ATCAY: variants seen among roughly 807,000 people sequenced by gnomAD.
The protein encoded by ATCAY is ATCAY kinesin light chain interacting caytaxin.
Under a neutral mutation model 47.7 loss-of-function variants are expected in ATCAY, and 22 were observed. The observed-to-expected ratio is 0.46, with a 90% CI of 0.33 to 0.66. The LOEUF (loss-of-function observed/expected upper bound fraction) is 0.66. ATCAY is among the 30% of genes least tolerant of loss of function. The pLI is 0.02. For missense variants in ATCAY, 452 were observed against 515.0 expected (o/e 0.88, Z 1.18); for synonymous variants, 216 against 207.6 (o/e 1.04, Z -0.35).
At chr19:3,881,384 G>GAAAAA (rs397946296) in intron 1 of ATCAY, among the ~76,000 whole-genome samples, 4 of 130,324 alleles carry the variant, frequency 3.1e-5, no homozygotes, top group African/African-American at 1.2e-4. Context: ...ACGATTTCGG[G>GAAAAA]AAAAAAAAAA....
intron 12 of ATCAY, among the ~76,000 whole-genome samples, chr19:3,922,636 T>C (rs917819432): frequency 6.6e-6 from 1 of 152,216 alleles, no homozygotes; most frequent in African/African-American, 2.4e-5. Context: ...GCCAGGATGC[T>C]CCAAGAGTTT....
intron 2 of ATCAY, among the ~76,000 whole-genome samples, chr19:3,890,464 T>C (rs189301421): frequency 4.3e-4 from 65 of 151,906 alleles, no homozygotes; most frequent in African/African-American, 1.4e-3. Flanking sequence ...GGTTTCACCA[T>C]GTTGGCCAGG....
chr19:3,908,248 G>A lies in ATCAY; in HGVS notation c.545-20G>A, dbSNP rs774870655. ...GCTGGGAGAGGACTCTGACGTTGCC[G>A]ATCGGCTGCCTCTCCTCAGGGTACT... On this transcript the variant is annotated intron_variant, in intron 5 of 12. Transcript: ENST00000450849. 211 of 1,555,122 alleles carry A rather than the reference G, an allele frequency of 1.4e-4. 1 individual carries two copies. The Admixed American group carries it at 1.7e-3, about 13-fold the overall frequency.
intron 2 of ATCAY, among the ~76,000 whole-genome samples, chr19:3,900,040 G>A (rs1185542129): frequency 2.0e-5 from 3 of 151,952 alleles, no homozygotes; most frequent in African/African-American, 7.3e-5. Context: ...TTTTATATTT[G>A]TCACAATTGA....
At chr19:3,911,073 T>C (rs2038919125) in intron 8 of ATCAY, among the ~76,000 whole-genome samples, 184 bp downstream of exon 8, 1 of 152,208 alleles carries the variant, frequency 6.6e-6, no homozygotes, top group Admixed American at 6.6e-5. Context: ...ATATTATTGC[T>C]TTAAACAGTT....
chr19:3,906,453 C>T (rs78183912), intron 4 of ATCAY, among the ~76,000 whole-genome samples: 1 of 151,778 alleles, frequency 6.6e-6, no homozygotes. Context: ...CAGGCATGCA[C>T]TACCACTTCC....
At chr19:3,922,249 C>T (rs893358405) in intron 12 of ATCAY, 1 of 700,060 alleles carries the variant, frequency 1.4e-6, no homozygotes, top group Admixed American at 2.0e-5. Flanking sequence ...CATTCTCATG[C>T]TGCTATGAAG....
chr19:3,889,655 C>T (rs532081650), intron 2 of ATCAY, among the ~76,000 whole-genome samples: 18 of 152,132 alleles, frequency 1.2e-4, no homozygotes, highest in Admixed American at 9.8e-4. Flanking sequence ...TAAACAAAGG[C>T]GCATAAGCTT....
rs1445083183 is a variant in ATCAY at position 3,926,539 on chromosome 19, T to C, written c.*1947T>C. ...CCTCAGTGAAAGCGTCCAGTGCATC[T>C]TGACCTGAGACAGCAAGGAATTGCA... On this transcript the variant is annotated 3_prime_UTR_variant, in exon 13 of 13. Transcript: ENST00000450849. The C allele has an allele frequency of 6.6e-6, 1 of 152,238 alleles. No individual in the cohort carries two copies. Among genetic ancestry groups the C allele is most frequent in the Non-Finnish European group, 1.5e-5 (1 of 68,050 alleles). 9.4% of individuals were successfully genotyped at this position (152,238 alleles called of 1,614,324 possible). A position where few individuals can be genotyped will look rare whatever the true frequency, so the allele number is the denominator to read the frequency against.
intron 1 of ATCAY, among the ~76,000 whole-genome samples, chr19:3,882,538 C>T (rs1375014167): frequency 1.3e-5 from 2 of 151,206 alleles, no homozygotes; most frequent in African/African-American, 4.9e-5. Flanking sequence ...GCTATGTTGC[C>T]CAGGCTGGTC....
chr19:3,892,945 T>C (rs997294873), intron 2 of ATCAY, among the ~76,000 whole-genome samples: 1 of 151,996 alleles, frequency 6.6e-6, no homozygotes, highest in African/African-American at 2.4e-5. Flanking sequence ...ACCGATAATG[T>C]CCCATGTCCC....
In ATCAY at chr19:3,907,810, C is replaced by T. The variant is rs547532756; in HGVS notation, c.435C>T (p.Asp145=). The T allele has an allele frequency of 1.8e-5, 29 of 1,613,860 alleles. No homozygotes were observed. Among genetic ancestry groups the T allele is most frequent in the East Asian group, 1.1e-4 (5 of 44,890 alleles). ...TATTTGGGGACGGCACGACGGAGGACGGCAGCGCCGCCAACGGGCGCCTGT... is the reference window on the plus strand; with the variant it reads ...TATTTGGGGACGGCACGACGGAGGATGGCAGCGCCGCCAACGGGCGCCTGT... ...ADLFGDGTTE[D]GSAANGRLWR... is the part of the protein sequence containing the mutation. The change falls in exon 5 of 13, where the codon GAC becomes GAT. Residue 145 remains aspartate (D), a synonymous_variant. Coordinates refer to ENST00000450849, the MANE Select transcript of ATCAY (RefSeq NM_033064.5). This position sits in a 1 kb window ranked among gnomAD's most constrained non-coding sequence, Gnocchi z 5.1.
intron 7 of ATCAY, among the ~76,000 whole-genome samples, chr19:3,909,899 A>C (rs746418818): frequency 2.4e-4 from 36 of 152,190 alleles, no homozygotes; most frequent in Non-Finnish European, 5.3e-4. Flanking sequence ...AGCCCGGCCA[A>C]CATATAGTGA....
chr19:3,919,463 G>A (rs551933847), intron 11 of ATCAY, among the ~76,000 whole-genome samples: 107 of 151,436 alleles, frequency 7.1e-4, no homozygotes, highest in African/African-American at 2.4e-3. Context: ...ATGGTGGCTC[G>A]TGCCTGTAGT....
rs1328380306 is a variant in ATCAY at position 3,881,899 on chromosome 19, AT to A, written c.-42+903del. On this transcript the variant is annotated intron_variant, in intron 1 of 12. Transcript: ENST00000450849. The stretch of plus-strand genomic sequence containing the variant: ...CCCGACCCCATAGCATCCAGGAGGG[AT>A]TTTTTTTTTTTCCATGCTGCGTGTT... Among the ~76,000 whole-genome samples, 293 of 61,304 alleles carry A rather than the reference AT, an allele frequency of 4.8e-3. 1 individual carries two copies. Among genetic ancestry groups the A allele is most frequent in the East Asian group, 0.038 (72 of 1,900 alleles). The allele number at this position is 61,304 out of a possible 152,430, so 40.2% of individuals were successfully genotyped here. A position where few individuals can be genotyped will look rare whatever the true frequency, so the allele number is the denominator to read the frequency against.
chr19:3,924,666 C>A lies in ATCAY; in HGVS notation c.*74C>A. The A allele has an allele frequency of 1.3e-6, 2 of 1,541,370 alleles. No homozygotes were observed. Among genetic ancestry groups the A allele is most frequent in the Non-Finnish European group, 1.8e-6 (2 of 1,120,296 alleles). On this transcript the variant is annotated 3_prime_UTR_variant, in exon 13 of 13. Coordinates refer to ENST00000450849, the MANE Select transcript of ATCAY (RefSeq NM_033064.5). ...AAAACCTCTGTCAGACGCCCACTGG[C>A]CCCAGATCTCATCCTGCCTCATCCT...
intron 9 of ATCAY, among the ~76,000 whole-genome samples, chr19:3,914,879 C>A (rs1037764083): frequency 2.6e-5 from 4 of 151,282 alleles, no homozygotes; most frequent in African/African-American, 7.3e-5. Context: ...ACCCCCAACA[C>A]CCCCCCACCG....
At chr19:3,888,096 A>C (rs1016420714) in intron 2 of ATCAY, among the ~76,000 whole-genome samples, 2 of 146,196 alleles carry the variant, frequency 1.4e-5, no homozygotes, top group African/African-American at 5.2e-5. Context: ...CCCGGGTGAC[A>C]GTGTGAGACT....
intron 2 of ATCAY, among the ~76,000 whole-genome samples, chr19:3,892,830 C>T (rs1040701398): frequency 2.2e-4 from 33 of 152,068 alleles, no homozygotes; most frequent in African/African-American, 8.0e-4. Context: ...ATTGCTTAAA[C>T]CCAGGAGGCA....
Sources: gnomAD v4.1 joint callset for allele counts (sites outside exome capture counted in the v4.1 genomes callset) on GRCh38, gnomAD v4.1.1 for gene constraint, Gnocchi (gnomAD v3.1) non-coding constraint, MANE v1.5 for transcripts, NCBI Gene and HGNC (gene_info 2026-07-23, HGNC 2026-07-21) for gene names.